The following CCND3 variants were observed in gnomAD, a reference collection of about 807,000 sequenced individuals.
CCND3 encodes G1/S-specific cyclin-D3.
A neutral mutation model predicts 28.7 loss-of-function variants in CCND3; 9 were observed. That is an observed-to-expected ratio of 0.31 (90% CI 0.19 to 0.55). CCND3 has a LOEUF of 0.55. Among genes scored for constraint, CCND3 ranks in the 20% least tolerant of loss-of-function variants. The probability of loss-of-function intolerance (pLI) is 0.93; values close to 1 mark genes in which losing one functional copy is unlikely to be tolerated. For missense variants in CCND3, 315 were observed against 385.8 expected, an observed-to-expected ratio of 0.82 and a Z score of 1.54; for synonymous variants, 164 against 163.9, an observed-to-expected ratio of 1.00 and a Z score of 0.00.
intron 1 of CCND3, among the ~76,000 whole-genome samples, chr6:41,991,334 T>C (rs1234832053): frequency 1.3e-5 from 2 of 152,190 alleles, no homozygotes; most frequent in East Asian, 1.9e-4. Context: ...GCTGGGATTA[T>C]AGGCGTAAGC....
At chr6:41,974,113 G>A (rs547625552) in intron 1 of CCND3, among the ~76,000 whole-genome samples, 1 of 152,208 alleles carries the variant, frequency 6.6e-6, no homozygotes, top group Admixed American at 6.6e-5. Flanking sequence ...AACCCGGGAG[G>A]TGGAGGTTGC....
At chr6:41,942,001 G>A (rs1437656643), upstream of CCND3, among the ~76,000 whole-genome samples, 2 of 152,158 alleles carry the variant, frequency 1.3e-5, no homozygotes, top group Admixed American at 1.3e-4. Flanking sequence ...GGACCACCGG[G>A]TGCAGAGAAC....
intron 1 of CCND3, among the ~76,000 whole-genome samples, chr6:42,011,722 C>G (rs1255558879): frequency 6.6e-6 from 1 of 152,148 alleles, no homozygotes; most frequent in Non-Finnish European, 1.5e-5. Context: ...CAAATGCATA[C>G]AGCCATGAAC....
At chr6:42,020,851 A>C (rs940160847) in intron 1 of CCND3, among the ~76,000 whole-genome samples, 1 of 152,206 alleles carries the variant, frequency 6.6e-6, no homozygotes, top group Non-Finnish European at 1.5e-5. Context: ...TTCTGGGTTC[A>C]AGTAATTCTC....
At chr6:41,984,049 T>C (rs777714359) in intron 1 of CCND3, among the ~76,000 whole-genome samples, 1 of 152,228 alleles carries the variant, frequency 6.6e-6, no homozygotes, top group Non-Finnish European at 1.5e-5. Flanking sequence ...TATGAAATAT[T>C]GATTTTTCTG....
intron 1 of CCND3, among the ~76,000 whole-genome samples, chr6:41,970,517 G>A (rs1478801668): frequency 2.0e-5 from 3 of 152,172 alleles, no homozygotes; most frequent in African/African-American, 7.2e-5. Context: ...AGGTTCATTT[G>A]AGGTCACATA....
intron 1 of CCND3, among the ~76,000 whole-genome samples, chr6:41,996,149 TTG>T (rs1218235433): frequency 3.2e-4 from 44 of 136,768 alleles, no homozygotes; most frequent in South Asian, 1.1e-3. Flanking sequence ...TTTTTTTTGT[TTG>T]TTTGTTTGTT....
chr6:41,976,136 G>A (rs1010523990), intron 1 of CCND3, among the ~76,000 whole-genome samples: 1 of 152,146 alleles, frequency 6.6e-6, no homozygotes, highest in Non-Finnish European at 1.5e-5. Flanking sequence ...CGGATCACCT[G>A]AGGTCAGGAG....
At position 41,979,671 on chromosome 6, in the gene CCND3, ATG is replaced by A. The variant is rs1469275982; in HGVS notation, c.-45-39088_-45-39087del. On this transcript the variant is annotated intron_variant, in intron 1 of 4. Coordinates refer to the CCND3 transcript ENST00000372988. ...TATATATATATGTATATATATATAT[ATG>A]GATCTATTTATCTATCTCTCTTCAA... is the stretch of plus-strand genomic sequence containing the variant. Among the ~76,000 whole-genome samples, 626 of 138,290 alleles carry A rather than the reference ATG, an allele frequency of 4.5e-3. 7 individuals are homozygous for A. Among genetic ancestry groups the A allele is most frequent in the African/African-American group, 0.016 (583 of 37,280 alleles). The allele number at this position is 138,290 out of a possible 152,430, so 90.7% of individuals were successfully genotyped here.
intron 1 of CCND3, among the ~76,000 whole-genome samples, chr6:42,005,831 C>T (rs962187404): frequency 7.2e-5 from 11 of 151,898 alleles, no homozygotes; most frequent in African/African-American, 2.7e-4. Context: ...TTACAGGCAC[C>T]CGCCACCATG....
chr6:42,029,902 A>C (rs2127436166), intron 1 of CCND3: 1 of 152,052 alleles, frequency 6.6e-6, no homozygotes, highest in East Asian at 1.9e-4. Context: ...CCCTCCCTGC[A>C]GACAGCCAGG....
At chr6:42,003,057 G>A (rs998179000) in intron 1 of CCND3, among the ~76,000 whole-genome samples, 26 of 151,688 alleles carry the variant, frequency 1.7e-4, no homozygotes, top group African/African-American at 6.1e-4. Context: ...AGCTACTTGG[G>A]AGGCTGAGGC....
chr6:41,947,216 G>A (rs559909349), intron 1 of CCND3, among the ~76,000 whole-genome samples: 18 of 149,524 alleles, frequency 1.2e-4, no homozygotes, highest in Admixed American at 1.0e-3. Context: ...GCAAGACTCC[G>A]TCTCAAAAAA....
At chr6:42,029,383 G>C (rs1763980204) in intron 1 of CCND3, among the ~76,000 whole-genome samples, 1 of 152,238 alleles carries the variant, frequency 6.6e-6, no homozygotes, top group African/African-American at 2.4e-5. Context: ...TCTGCTGGCT[G>C]GCAGTGGCTA....
chr6:42,010,699 A>T (rs1288062380), intron 1 of CCND3: 1 of 151,826 alleles, frequency 6.6e-6, no homozygotes, highest in African/African-American at 2.4e-5. Context: ...GTCTTCTGTC[A>T]CCCCCAGGCT....
At chr6:41,996,784 C>A (rs1221920942) in intron 1 of CCND3, among the ~76,000 whole-genome samples, 1 of 151,886 alleles carries the variant, frequency 6.6e-6, no homozygotes, top group Non-Finnish European at 1.5e-5. Context: ...CCTGCCTCAG[C>A]CTCCCAAGTA....
At chr6:41,985,277 T>A (rs996243167) in intron 1 of CCND3, among the ~76,000 whole-genome samples, 16 of 151,410 alleles carry the variant, frequency 1.1e-4, no homozygotes, top group Non-Finnish European at 2.4e-4. Flanking sequence ...TTCCAGTAGT[T>A]TTACAGTTTC....
chr6:41,971,138 G>A (rs1341756370), intron 1 of CCND3, among the ~76,000 whole-genome samples: 7 of 152,106 alleles, frequency 4.6e-5, no homozygotes, highest in Middle Eastern at 6.8e-3. Flanking sequence ...GGCTGGTCTC[G>A]AACTCCTGAC....
chr6:42,022,973 C>T (rs1057281466), intron 1 of CCND3, among the ~76,000 whole-genome samples: 2 of 152,186 alleles, frequency 1.3e-5, no homozygotes, highest in African/African-American at 4.8e-5. Context: ...AAGAGGGGGA[C>T]CATGTACGGG....
Sources: allele counts gnomAD v4.1 joint callset (sites outside exome capture counted in the v4.1 genomes callset), GRCh38; gene constraint gnomAD v4.1.1; transcripts MANE v1.5; gene names NCBI Gene and HGNC (gene_info 2026-07-23, HGNC 2026-07-21).